Variants in FAM193A observed in about 807,000 individuals in gnomAD.
The protein encoded by FAM193A is family with sequence similarity 193 member A.
FAM193A carries 22 observed loss-of-function variants against 126.5 expected under a neutral mutation model. That is an observed-to-expected ratio of 0.17 (90% confidence interval 0.12 to 0.25). The LOEUF is 0.25. FAM193A is among the 10% of genes least tolerant of loss of function. The pLI is 1.00. For synonymous variants in FAM193A, 761 were observed against 646.8 expected (o/e 1.18, Z -2.68); for missense variants, 1,675 against 1,672.8 (o/e 1.00, Z -0.02).
intron 1 of FAM193A, among the ~76,000 whole-genome samples, chr4:2,590,824 G>A (rs1052686720): frequency 4.0e-5 from 6 of 151,894 alleles, no homozygotes; most frequent in Admixed American, 1.3e-4. Context: ...TCAGGAGATC[G>A]AGACCATCCT....
chr4:2,650,451 C>T (rs150828777), intron 7 of FAM193A, among the ~76,000 whole-genome samples: 37 of 152,280 alleles, frequency 2.4e-4, no homozygotes, highest in African/African-American at 7.9e-4. Context: ...GGCTCACTCT[C>T]GTCACCGGGG....
At chr4:2,548,037 C>T (rs1405457044) in intron 1 of FAM193A, among the ~76,000 whole-genome samples, 1 of 150,978 alleles carries the variant, frequency 6.6e-6, no homozygotes, top group Admixed American at 6.6e-5. Flanking sequence ...TTCCTGTATC[C>T]TCTTGGGAGC....
chr4:2,732,051 A>T lies in FAM193A; in HGVS notation c.*183A>T. The T allele has an allele frequency of 1.6e-6, 1 of 621,388 alleles. No individual in the cohort carries two copies. Among genetic ancestry groups the T allele is most frequent in the East Asian group, 2.7e-5 (1 of 37,274 alleles). The allele number at this position is 621,388 out of a possible 1,614,324, so 38.5% of individuals were successfully genotyped here. ...CCACGCCGTTAGCTCGTGTGCGTGTAGTCTGTGCGTGAGACTCCTTCGATT... is the reference window on the plus strand; with the variant it reads ...CCACGCCGTTAGCTCGTGTGCGTGTTGTCTGTGCGTGAGACTCCTTCGATT... On this transcript the variant is annotated 3_prime_UTR_variant, in exon 21 of 21. Transcript: ENST00000637812.
intron 2 of FAM193A, chr4:2,615,187 A>G (rs1742106731): frequency 6.6e-6 from 1 of 152,462 alleles, no homozygotes. Context: ...ACTGGTTGTG[A>G]ACAGTTAGTT....
At chr4:2,556,759 T>G (rs76492241) in intron 1 of FAM193A, among the ~76,000 whole-genome samples, 4,329 of 152,280 alleles carry the variant, frequency 0.028, 223 homozygotes, top group African/African-American at 0.098. Flanking sequence ...TACTGCTTGT[T>G]GTTTTCTTGA....
chr4:2,718,484 C>T (rs982880122), intron 20 of FAM193A, among the ~76,000 whole-genome samples: 1 of 152,008 alleles, frequency 6.6e-6, no homozygotes, highest in South Asian at 2.1e-4. Context: ...CCCAGCACTT[C>T]GGGAAGCCAA....
intron 1 of FAM193A, among the ~76,000 whole-genome samples, chr4:2,540,981 A>C (rs1009261186): frequency 8.6e-5 from 13 of 151,580 alleles, no homozygotes; most frequent in Non-Finnish European, 1.5e-4. Context: ...TCAAAAAAAA[A>C]AAAAAAAGGG....
chr4:2,689,402 C>T (rs1716107999), intron 13 of FAM193A, 104 bp from the exon 14 acceptor site: 8 of 793,638 alleles, frequency 1.0e-5, no homozygotes, highest in Non-Finnish European at 1.6e-5. Context: ...ATGGCGAGCA[C>T]ATCCCATGAG....
At chr4:2,554,012 G>A (rs1738107354) in intron 1 of FAM193A, among the ~76,000 whole-genome samples, 1 of 152,000 alleles carries the variant, frequency 6.6e-6, no homozygotes, top group Admixed American at 6.6e-5. Flanking sequence ...CCCAGTCTTG[G>A]GTATGTCTTC....
chr4:2,552,460 G>A (rs1737989368), intron 1 of FAM193A, among the ~76,000 whole-genome samples: 1 of 150,858 alleles, frequency 6.6e-6, no homozygotes, highest in African/African-American at 2.4e-5. Flanking sequence ...CTTTTCTAAT[G>A]TGAATATTTA....
At chr4:2,592,507 TGTACCAAGTA>T (rs1375509098) in intron 1 of FAM193A, among the ~76,000 whole-genome samples, 1 of 152,166 alleles carries the variant, frequency 6.6e-6, no homozygotes, top group Non-Finnish European at 1.5e-5. Flanking sequence ...ACCAAAAAAA[TGTACCAAGTA>T]GTAGTTTTCC....
chr4:2,563,064 C>T (rs1243613259), intron 1 of FAM193A, among the ~76,000 whole-genome samples: 2 of 152,010 alleles, frequency 1.3e-5, no homozygotes, highest in Non-Finnish European at 2.9e-5. Flanking sequence ...CTTGCCTCAG[C>T]CTCCCAAGTA....
intron 2 of FAM193A, among the ~76,000 whole-genome samples, chr4:2,615,594 C>G (rs1440757910): frequency 1.3e-5 from 2 of 152,210 alleles, no homozygotes; most frequent in Non-Finnish European, 1.5e-5. Context: ...TCTCGGCTCA[C>G]TGCAACCTCT....
intron 1 of FAM193A, among the ~76,000 whole-genome samples, chr4:2,580,762 TG>T (rs997892608): frequency 3.9e-4 from 59 of 152,346 alleles, no homozygotes; most frequent in African/African-American, 1.4e-3. Flanking sequence ...TCACTAGAAG[TG>T]GAGCAGATGC....
At chr4:2,624,175 C>G (rs1218739984) in intron 2 of FAM193A, among the ~76,000 whole-genome samples, 1 of 151,676 alleles carries the variant, frequency 6.6e-6, no homozygotes, top group Non-Finnish European at 1.5e-5. Flanking sequence ...GCCCAATGTT[C>G]TCTCTCTCTT....
chr4:2,663,047 A>G lies in FAM193A; in HGVS notation c.1899+56A>G, dbSNP rs376163930. ...AAATGACATAAAATGATGGTCTGAC[A>G]TTTTAATATTTTATATTACTCTGTT... On this transcript the variant is annotated intron_variant, in intron 11 of 20. Transcript: ENST00000637812. The G allele has an allele frequency of 1.6e-5, 26 of 1,597,016 alleles. 1 individual carries two copies. Among genetic ancestry groups the G allele is most frequent in the East Asian group, 6.7e-5 (3 of 44,522 alleles).
chr4:2,582,138 TCTCTC>T (rs1739978639), intron 1 of FAM193A, among the ~76,000 whole-genome samples: 1 of 152,092 alleles, frequency 6.6e-6, no homozygotes, highest in Non-Finnish European at 1.5e-5. Flanking sequence ...CTGCTTTCAG[TCTCTC>T]CTCTCCTCCT....
chr4:2,596,035 G>A (rs563353952), intron 1 of FAM193A, 49 bp from the exon 2 acceptor site: 1 of 663,842 alleles, frequency 1.5e-6, no homozygotes, highest in African/African-American at 1.8e-5. Context: ...TAATATTCTT[G>A]GCTTTGTAGA....
intron 2 of FAM193A, among the ~76,000 whole-genome samples, chr4:2,610,811 C>A (rs1303690921): frequency 6.6e-6 from 1 of 152,010 alleles, no homozygotes; most frequent in East Asian, 1.9e-4. Context: ...GATCTCGGCT[C>A]ACCGCAGCCT....
Sources: allele counts gnomAD v4.1 joint callset (sites outside exome capture counted in the v4.1 genomes callset), GRCh38; gene constraint gnomAD v4.1.1; transcripts MANE v1.5; gene names NCBI Gene and HGNC (gene_info 2026-07-23, HGNC 2026-07-21).